Variants in PTCSC3 observed in about 807,000 individuals in gnomAD.
PTCSC3 encodes the protein papillary thyroid carcinoma susceptibility candidate 3 (non-protein coding).
intron 1 of PTCSC3, among the ~76,000 whole-genome samples, chr14:36,166,370 G>A (rs1040551762): frequency 4.6e-5 from 7 of 152,256 alleles, no homozygotes; most frequent in South Asian, 2.1e-4. Context: ...GCTCAACTAC[G>A]TCTGAATTTT....
chr14:36,146,169 C>T (rs1478644724), intron 3 of PTCSC3, among the ~76,000 whole-genome samples: 2 of 143,652 alleles, frequency 1.4e-5, no homozygotes, highest in African/African-American at 2.6e-5. Context: ...CTGTAGATGT[C>T]TATTAGGTCC....
At chr14:36,149,949 C>T (rs1483155213) in intron 3 of PTCSC3, among the ~76,000 whole-genome samples, 2 of 152,142 alleles carry the variant, frequency 1.3e-5, no homozygotes, top group Non-Finnish European at 2.9e-5. Context: ...ACAGGTTGAA[C>T]ATCCCTAATC....
chr14:36,170,616 T>C (rs563577851), intron 1 of PTCSC3, among the ~76,000 whole-genome samples: 12 of 152,142 alleles, frequency 7.9e-5, no homozygotes, highest in Non-Finnish European at 1.6e-4. Context: ...GTTTAATTAA[T>C]TCACCGGAAA....
chr14:36,153,649 C>G (rs1881770028), intron 3 of PTCSC3, among the ~76,000 whole-genome samples: 1 of 152,060 alleles, frequency 6.6e-6, no homozygotes, highest in Non-Finnish European at 1.5e-5. Context: ...ATATGTGCAC[C>G]AGAAGACACA....
chr14:36,164,447 A>T (rs1397275888), intron 1 of PTCSC3, among the ~76,000 whole-genome samples: 1 of 152,212 alleles, frequency 6.6e-6, no homozygotes. Context: ...TCAAAGTTGT[A>T]ATCCTTGCAT....
At chr14:36,168,848 T>C (rs1882143630) in intron 1 of PTCSC3, among the ~76,000 whole-genome samples, 1 of 152,146 alleles carries the variant, frequency 6.6e-6, no homozygotes, top group African/African-American at 2.4e-5. Context: ...CTCAAACTCC[T>C]GGCCTCAAGC....
At chr14:36,171,489 A>G (rs1275776146) in intron 1 of PTCSC3, among the ~76,000 whole-genome samples, 1 of 152,194 alleles carries the variant, frequency 6.6e-6, no homozygotes, top group Non-Finnish European at 1.5e-5. Context: ...TGTAAACATC[A>G]TTATTGTTCT....
intron 3 of PTCSC3, among the ~76,000 whole-genome samples, chr14:36,147,357 C>G (rs1189153845): frequency 1.3e-5 from 2 of 152,152 alleles, no homozygotes; most frequent in South Asian, 4.1e-4. Context: ...AGGCTTTGCT[C>G]ATTTCTTTTT....
At chr14:36,172,135 A>G (rs1300852640) in intron 1 of PTCSC3, among the ~76,000 whole-genome samples, 2 of 152,174 alleles carry the variant, frequency 1.3e-5, no homozygotes, top group African/African-American at 2.4e-5. Context: ...CCTGGCTTGC[A>G]TTGTAGCTGG....
At chr14:36,166,987 G>A (rs952028982) in intron 1 of PTCSC3, among the ~76,000 whole-genome samples, 8 of 152,130 alleles carry the variant, frequency 5.3e-5, no homozygotes, top group African/African-American at 1.9e-4. Flanking sequence ...AGACACTCTA[G>A]CCATGAATTC....
intron 1 of PTCSC3, among the ~76,000 whole-genome samples, chr14:36,173,044 C>G (rs1422465611): frequency 6.6e-6 from 1 of 151,736 alleles, no homozygotes; most frequent in African/African-American, 2.4e-5. Context: ...CTGGAATTAC[C>G]AGAACAAAGG....
chr14:36,150,965 C>T (rs1482175339), intron 3 of PTCSC3, among the ~76,000 whole-genome samples: 1 of 152,022 alleles, frequency 6.6e-6, no homozygotes, highest in Non-Finnish European at 1.5e-5. Context: ...TTTATACCTT[C>T]TTTAACACTC....
intron 3 of PTCSC3, among the ~76,000 whole-genome samples, chr14:36,149,451 T>C (rs1881672278): frequency 6.6e-6 from 1 of 152,190 alleles, no homozygotes. Flanking sequence ...ATGTTTATTC[T>C]GCTGTGGTTG....
intron 1 of PTCSC3, among the ~76,000 whole-genome samples, chr14:36,176,075 C>T (rs932408341): frequency 6.6e-6 from 1 of 152,140 alleles, no homozygotes; most frequent in African/African-American, 2.4e-5. Flanking sequence ...GAAAACGATA[C>T]AAATACATAC....
intron 3 of PTCSC3, among the ~76,000 whole-genome samples, chr14:36,147,985 G>T (rs1204653431): frequency 2.0e-5 from 3 of 152,160 alleles, no homozygotes; most frequent in South Asian, 2.1e-4. Context: ...GGGGGTCAGG[G>T]GTCAGGGACC....
chr14:36,151,044 A>G (rs1881710321), intron 3 of PTCSC3, among the ~76,000 whole-genome samples: 1 of 152,054 alleles, frequency 6.6e-6, no homozygotes, highest in Non-Finnish European at 1.5e-5. Flanking sequence ...AAATTTTCAC[A>G]TTTCTTGCAA....
At chr14:36,146,562 A>C (rs1381891534) in intron 3 of PTCSC3, among the ~76,000 whole-genome samples, 3 of 152,118 alleles carry the variant, frequency 2.0e-5, no homozygotes, top group Non-Finnish European at 4.4e-5. Context: ...GTGTCTCTGC[A>C]CATGAGATGG....
At chr14:36,162,179 T>G (rs549730147) in intron 2 of PTCSC3, among the ~76,000 whole-genome samples, 2 of 147,026 alleles carry the variant, frequency 1.4e-5, no homozygotes, top group African/African-American at 5.1e-5. Flanking sequence ...CAAGACAACT[T>G]GGCTCCCTGG....
chr14:36,139,675 A>G (rs112106204), intron 3 of PTCSC3, among the ~76,000 whole-genome samples: 1,853 of 152,336 alleles, frequency 0.012, 30 homozygotes, highest in African/African-American at 0.04. Flanking sequence ...AAAAATTAAT[A>G]GGCTATATTT....
Sources: allele counts gnomAD v4.1 joint callset (sites outside exome capture counted in the v4.1 genomes callset), GRCh38; gene constraint gnomAD v4.1.1; transcripts MANE v1.5; gene names NCBI Gene and HGNC (gene_info 2026-07-23, HGNC 2026-07-21).